Variants in PCDHGA7 observed in about 807,000 individuals in gnomAD.
PCDHGA7 encodes the protein protocadherin gamma subfamily A, 7.
A neutral mutation model predicts 58.3 loss-of-function variants in PCDHGA7; 44 were observed. That is an observed-to-expected ratio of 0.75 (90% confidence interval 0.59 to 0.97). The LOEUF (loss-of-function observed/expected upper bound fraction) is 0.97, where lower values mean the gene tolerates loss of function less well. PCDHGA7 is among the 50% of genes least tolerant of loss of function. PCDHGA7 has a pLI of 0.00. For missense variants in PCDHGA7, 1,266 were observed against 1,188.7 expected (o/e 1.06, Z -0.96); for synonymous variants, 516 against 504.2 (o/e 1.02, Z -0.31).
At chr5:141,414,360 A>G (rs1177384414) in intron 1 of PCDHGA7, 1 of 1,613,800 alleles carries the variant, frequency 6.2e-7, no homozygotes, top group Non-Finnish European at 8.5e-7. Context: ...CGTATCTACC[A>G]TTTAAATTAG....
intron 1 of PCDHGA7, among the ~76,000 whole-genome samples, chr5:141,443,656 A>G (rs139300845): frequency 1.3e-5 from 2 of 152,374 alleles, no homozygotes; most frequent in East Asian, 3.8e-4. Flanking sequence ...TTAGCATAGC[A>G]TTTTACTGAA....
rs968865313 is a variant in PCDHGA7, at chr5:141,511,294, C to T, written c.*121C>T. 1 of 1,506,752 alleles carries T rather than the reference C, an allele frequency of 6.6e-7. No individual in the cohort carries two copies. Among genetic ancestry groups the T allele is most frequent in the Non-Finnish European group, 8.9e-7 (1 of 1,123,692 alleles). 93.3% of individuals were successfully genotyped at this position (1,506,752 alleles called of 1,614,324 possible). On this transcript the variant is annotated 3_prime_UTR_variant, in exon 4 of 4. Coordinates refer to ENST00000518325, the MANE Select transcript of PCDHGA7 (RefSeq NM_018920.4). ...CCCAGAATACTGGTAGGGGCCAAGG[C>T]CATGCTCCCCTTGGGAAACAGAAAC...
rs752660585 is a variant in PCDHGA7 at position 141,400,337 on chromosome 5, C to A, written c.2424+15014C>A. The A allele has an allele frequency of 6.6e-5, 106 of 1,613,962 alleles. No homozygotes were observed. The Admixed American group carries it at 1.7e-3, about 26-fold the overall frequency. ...GTCAAGTCTGGACCTGTGGTTCCCC[C>A]CAACTACAGTCAGGGGACTTTGCCT... On this transcript the variant is annotated intron_variant, in intron 1 of 3. Transcript: ENST00000518325.
intron 1 of PCDHGA7, chr5:141,410,735 T>A (rs2095420224): frequency 1.5e-6 from 2 of 1,336,188 alleles, no homozygotes; most frequent in East Asian, 4.7e-5. Context: ...CATAGCTTTT[T>A]ACAATATTTT....
In PCDHGA7 at chr5:141,389,714, C is replaced by T. The variant is rs771532940; in HGVS notation, c.2424+4391C>T. Reference sequence around the variant, plus strand: ...TGTCCTACCACGTGCTGCAGGCTAGCGAGCCCGGGCTCTTCAGCCTGGGGC... The same window carrying T: ...TGTCCTACCACGTGCTGCAGGCTAGTGAGCCCGGGCTCTTCAGCCTGGGGC... On this transcript the variant is annotated intron_variant, in intron 1 of 3. Transcript: ENST00000518325. 9 of 1,612,418 alleles carry T rather than the reference C, an allele frequency of 5.6e-6. No individual in the cohort carries two copies. In the Admixed American group the frequency reaches 1.2e-4, roughly 21 times the overall value.
rs1378140695 is a variant in PCDHGA7, at chr5:141,485,189, A to G, written c.2425-9618A>G. On this transcript the variant is annotated intron_variant, in intron 1 of 3. Transcript: ENST00000518325. The surrounding 1 kb of genome is among the most constrained non-coding windows in gnomAD (Gnocchi z 5.7). ...GGCGGCAGCAATGCTCCGCAAGGTGAGAAGCTGGACAGAAATCTGGCGGTG... is the reference window on the plus strand; with the variant it reads ...GGCGGCAGCAATGCTCCGCAAGGTGGGAAGCTGGACAGAAATCTGGCGGTG... 1 of 1,613,726 alleles carries G rather than the reference A, an allele frequency of 6.2e-7. No homozygotes were observed. The highest frequency in any genetic ancestry group is 1.7e-5 in the Admixed American group (1 of 60,020).
At chr5:141,425,745 G>A (rs776065455) in intron 1 of PCDHGA7, among the ~76,000 whole-genome samples, 26 of 152,100 alleles carry the variant, frequency 1.7e-4, no homozygotes, top group Non-Finnish European at 2.9e-4. Flanking sequence ...TTCCCACAAG[G>A]TTTTTGTTCT....
At chr5:141,444,183 T>G (rs2098423667) in intron 1 of PCDHGA7, among the ~76,000 whole-genome samples, 1 of 138,396 alleles carries the variant, frequency 7.2e-6, no homozygotes, top group African/African-American at 2.8e-5. Flanking sequence ...TTTTTTTTTT[T>G]TTTTTGAGAT....
chr5:141,383,468 A>C lies in PCDHGA7; in HGVS notation c.569A>C (p.Lys190Thr). The change falls in exon 1 of 4, where the codon AAG (lysine) becomes ACG (threonine). Residue 190 changes from lysine (K) to threonine (T), a missense_variant. Transcript: ENST00000518325. ...GTGCAAAGTGGAGACGATGAAACTA[A>C]GTACCCGGAACTGGTGCTGGAGCGG... Reference protein sequence around the residue: ...LAVQSGDDETKYPELVLERVL... With the variant: ...LAVQSGDDETTYPELVLERVL... 6.2e-7 allele frequency: 1 copy of C among 1,613,774 alleles called. No homozygotes were observed. The highest frequency in any genetic ancestry group is 8.5e-7 in the Non-Finnish European group (1 of 1,179,812).
intron 1 of PCDHGA7, chr5:141,398,873 T>G (rs2093718804): frequency 5.0e-6 from 8 of 1,613,254 alleles, no homozygotes; most frequent in Non-Finnish European, 6.8e-6. Context: ...GTGTACAGAG[T>G]CAGCCTTCGG....
intron 1 of PCDHGA7, chr5:141,441,447 C>T: frequency 6.2e-6 from 1 of 161,550 alleles, no homozygotes. Flanking sequence ...CCAGCCCAAG[C>T]ATCACCCTAC....
chr5:141,399,396 G>A (rs2093799031), intron 1 of PCDHGA7: 1 of 1,613,842 alleles, frequency 6.2e-7, no homozygotes, highest in African/African-American at 1.3e-5. Flanking sequence ...CCACAGACAG[G>A]GGCAAGCCGC....
intron 1 of PCDHGA7, chr5:141,394,079 G>A (rs375995047): frequency 5.0e-6 from 8 of 1,613,706 alleles, no homozygotes; most frequent in Non-Finnish European, 5.9e-6. Context: ...ATATCACAGT[G>A]ATGGCCTCAG....
At position 141,431,994 on chromosome 5, in the gene PCDHGA7, G is replaced by C; in HGVS notation, c.2424+46671G>C. ...TTAGTCACAGACATAGTCTTGGATA[G>C]GGAACAGGTTCCTAGCTACAACATC... is the stretch of plus-strand genomic sequence containing the variant. On this transcript the variant is annotated intron_variant, in intron 1 of 3. Coordinates refer to ENST00000518325, the MANE Select transcript of PCDHGA7 (RefSeq NM_018920.4). The surrounding 1 kb of genome is among the most constrained non-coding windows in gnomAD (Gnocchi z 4.8). 1.9e-6 allele frequency: 3 copies of C among 1,614,188 alleles called. 1 individual carries two copies. The highest frequency in any genetic ancestry group is 2.2e-5 in the South Asian group (2 of 91,082).
chr5:141,472,750 C>T (rs967243815), intron 1 of PCDHGA7, among the ~76,000 whole-genome samples: 3 of 151,882 alleles, frequency 2.0e-5, no homozygotes, highest in Non-Finnish European at 2.9e-5. Context: ...CTTTGGGAGG[C>T]GGAGGCTGGC....
At chr5:141,415,688 T>A (rs373105795) in intron 1 of PCDHGA7, 395 of 1,545,880 alleles carry the variant, frequency 2.6e-4, no homozygotes, top group Non-Finnish European at 3.3e-4. Context: ...GGCATGATGG[T>A]GGAAAGTGTA....
chr5:141,495,005 CG>C (rs2099758180), intron 2 of PCDHGA7, 140 bp downstream of exon 2: 2 of 1,522,694 alleles, frequency 1.3e-6, no homozygotes, highest in African/African-American at 1.4e-5. Context: ...TCTTGGTGTG[CG>C]GGGGGCTGGC....
chr5:141,478,146 T>C (rs1457995929), intron 1 of PCDHGA7: 1 of 1,613,978 alleles, frequency 6.2e-7, no homozygotes, highest in Non-Finnish European at 8.5e-7. Context: ...CGAGCCGAGT[T>C]CCCCTCTGGC....
chr5:141,486,337 C>T lies in PCDHGA7; in HGVS notation c.2425-8470C>T, dbSNP rs116799150. On this transcript the variant is annotated intron_variant, in intron 1 of 3. Coordinates refer to ENST00000518325, the MANE Select transcript of PCDHGA7 (RefSeq NM_018920.4). The surrounding 1 kb of genome is among the most constrained non-coding windows in gnomAD (Gnocchi z 5.0). ...GGTCAAACGGAGATGTGAGCCTCCG[C>T]ATTCCTGACCACTTGCCATTTGCCC... 1 of 1,614,076 alleles carries T rather than the reference C, an allele frequency of 6.2e-7. No homozygotes were observed. Among genetic ancestry groups the T allele is most frequent in the Non-Finnish European group, 8.5e-7 (1 of 1,179,966 alleles).
Sources: gnomAD v4.1 joint callset for allele counts (sites outside exome capture counted in the v4.1 genomes callset) on GRCh38, gnomAD v4.1.1 for gene constraint, Gnocchi (gnomAD v3.1) non-coding constraint, MANE v1.5 for transcripts, NCBI Gene and HGNC (gene_info 2026-07-23, HGNC 2026-07-21) for gene names.